The following RPS6KA5 variants were observed in gnomAD, a reference collection of about 807,000 sequenced individuals.
The protein encoded by RPS6KA5 is ribosomal protein S6 kinase A5, also known as ribosomal protein S6 kinase alpha-5.
In RPS6KA5, 27 loss-of-function variants were observed where a neutral mutation model predicts 85.5. The observed-to-expected ratio is 0.32, with a 90% CI of 0.23 to 0.44. The LOEUF (loss-of-function observed/expected upper bound fraction) is 0.44, where lower values mean the gene tolerates loss of function less well. RPS6KA5 is among the 20% of genes least tolerant of loss of function. The pLI is 1.00. For synonymous variants in RPS6KA5, 334 were observed against 348.2 expected, an observed-to-expected ratio of 0.96 and a Z score of 0.46; for missense variants, 811 against 980.9, an observed-to-expected ratio of 0.83 and a Z score of 2.31.
Position 91,060,532 on chromosome 14 carries a change from C to A in RPS6KA5, c.-98G>T. ...CAGCCGCTGCCGCGGCCCCAGGAGT[C>A]GGGGTGCGGCGGCTCCAGAACTCGG... On this transcript the variant is annotated 5_prime_UTR_variant, in exon 1 of 17. Coordinates refer to ENST00000614987, the MANE Select transcript of RPS6KA5 (RefSeq NM_004755.4). 1 of 1,221,792 alleles carries A rather than the reference C, an allele frequency of 8.2e-7. No homozygotes were observed. Among genetic ancestry groups the A allele is most frequent in the South Asian group, 3.6e-5 (1 of 28,150 alleles). 75.7% of individuals were successfully genotyped at this position (1,221,792 alleles called of 1,614,324 possible). A position where few individuals can be genotyped will look rare whatever the true frequency, so the allele number is the denominator to read the frequency against.
In RPS6KA5 at chr14:90,866,482, C is replaced by T. The variant is rs2032809276; in HGVS notation, c.*5592G>A. 1 of 152,124 alleles carries T rather than the reference C, an allele frequency of 6.6e-6. No individual in the cohort carries two copies. Among genetic ancestry groups the T allele is most frequent in the African/African-American group, 2.4e-5 (1 of 41,412 alleles). 9.4% of individuals were successfully genotyped at this position (152,124 alleles called of 1,614,324 possible). A position where few individuals can be genotyped will look rare whatever the true frequency, so the allele number is the denominator to read the frequency against. On this transcript the variant is annotated 3_prime_UTR_variant, in exon 17 of 17. Transcript: ENST00000614987. ...GACCCTGTCTCACACAAAGGCAACT[C>T]ATTTGAGCTGAGGCTTGGCTATACT...
intron 14 of RPS6KA5, among the ~76,000 whole-genome samples, chr14:90,885,755 AAAAAAAAAAAAAAAAAAAG>A (rs2034172166): frequency 7.7e-6 from 1 of 130,694 alleles, no homozygotes; most frequent in Non-Finnish European, 1.7e-5. Context: ...AAAAAAAAAA[AAAAAAAAAAAAAAAAAAAG>A]AAAAAAGAAA....
At chr14:91,038,313 C>T (rs1327902526) in intron 1 of RPS6KA5, among the ~76,000 whole-genome samples, 1 of 152,134 alleles carries the variant, frequency 6.6e-6, no homozygotes, top group African/African-American at 2.4e-5. Context: ...CAATAAGAGA[C>T]TTATATAGGA....
In RPS6KA5 at chr14:90,847,922, A is replaced by T. The variant is rs2031798400; in HGVS notation, c.*24152T>A. 1 of 152,230 alleles carries T rather than the reference A, an allele frequency of 6.6e-6. No individual in the cohort carries two copies. The highest frequency in any genetic ancestry group is 1.5e-5 in the Non-Finnish European group (1 of 68,042). 9.4% of individuals were successfully genotyped at this position (152,230 alleles called of 1,614,324 possible). On this transcript the variant is annotated 3_prime_UTR_variant, in exon 17 of 17. Transcript: ENST00000614987. ...CTTGAACAAATACATCTTTACACAC[A>T]CACAAGTTGGTAAAAAGTAAGCCCT...
chr14:91,036,086 C>T (rs2042399485), intron 1 of RPS6KA5, among the ~76,000 whole-genome samples: 1 of 119,482 alleles, frequency 8.4e-6, no homozygotes, highest in Non-Finnish European at 1.9e-5. Context: ...CAGACATTTT[C>T]AAAATAGACT....
Position 90,902,779 on chromosome 14 carries a change from ATG to A in RPS6KA5, c.1119+27_1119+28del. 1.9e-6 allele frequency: 3 copies of A among 1,595,436 alleles called. No homozygotes were observed. The South Asian group carries it at 3.4e-5, about 18-fold the overall frequency. ...TTTTCTTTCAAAGGACATATGGCCA[ATG>A]TGCATGTGCACAGGATGGGAAATTA... is the stretch of plus-strand genomic sequence containing the variant. On this transcript the variant is annotated intron_variant, in intron 9 of 16. Transcript: ENST00000614987.
intron 8 of RPS6KA5, among the ~76,000 whole-genome samples, chr14:90,903,836 AGAATAT>A (rs1480042501): frequency 1.3e-5 from 2 of 152,242 alleles, no homozygotes; most frequent in Non-Finnish European, 2.9e-5. Context: ...ATTAATCATA[AGAATAT>A]AAGATGATGG....
Position 91,060,513 on chromosome 14 carries a change from CTGCCGCGGCCCCAGGAGTCGGGG to C in RPS6KA5, c.-102_-80del. On this transcript the variant is annotated 5_prime_UTR_variant, in exon 1 of 17. Coordinates refer to ENST00000614987, the MANE Select transcript of RPS6KA5 (RefSeq NM_004755.4). Reference sequence around the variant, plus strand: ...GCGGACGCCCGTCCCCTCGCAGCCGCTGCCGCGGCCCCAGGAGTCGGGGTGCGGCGGCTCCAGAACTCGGACGC... The same window carrying C: ...GCGGACGCCCGTCCCCTCGCAGCCGCTGCGGCGGCTCCAGAACTCGGACGC... The C allele has an allele frequency of 8.0e-7, 1 of 1,246,898 alleles. No individual in the cohort carries two copies. Among genetic ancestry groups the C allele is most frequent in the East Asian group, 3.2e-5 (1 of 31,210 alleles). 77.2% of individuals were successfully genotyped at this position (1,246,898 alleles called of 1,614,324 possible).
chr14:90,916,833 CTCTT>C (rs2036142841), intron 7 of RPS6KA5, among the ~76,000 whole-genome samples: 1 of 152,186 alleles, frequency 6.6e-6, no homozygotes, highest in South Asian at 2.1e-4. Flanking sequence ...GATTCAGGCT[CTCTT>C]TCTCTTTCTA....
At chr14:90,984,126 G>A (rs970659634) in intron 2 of RPS6KA5, among the ~76,000 whole-genome samples, 4 of 152,138 alleles carry the variant, frequency 2.6e-5, no homozygotes, top group East Asian at 1.9e-4. Context: ...GATTACAGGC[G>A]TGAGCCACCA....
At chr14:90,974,236 G>A (rs2039462100) in intron 3 of RPS6KA5, among the ~76,000 whole-genome samples, 1 of 152,078 alleles carries the variant, frequency 6.6e-6, no homozygotes, top group African/African-American at 2.4e-5. Context: ...CATTTATGGT[G>A]TATTCCAGCT....
intron 1 of RPS6KA5, among the ~76,000 whole-genome samples, chr14:91,045,367 C>A (rs1004657087): frequency 6.6e-5 from 10 of 151,370 alleles, no homozygotes; most frequent in African/African-American, 2.4e-4. Context: ...CAGGTTCAAG[C>A]AATTCTCCCA....
intron 2 of RPS6KA5, among the ~76,000 whole-genome samples, chr14:90,981,159 G>A (rs1269622897): frequency 1.3e-5 from 2 of 152,222 alleles, no homozygotes; most frequent in Non-Finnish European, 2.9e-5. Context: ...CAACAAGAGT[G>A]AAACTTAGTC....
chr14:91,048,523 G>A (rs1233369889), intron 1 of RPS6KA5, among the ~76,000 whole-genome samples: 1 of 152,144 alleles, frequency 6.6e-6, no homozygotes, highest in Non-Finnish European at 1.5e-5. Flanking sequence ...AAAGAAAAAA[G>A]TGAGACAGCC....
chr14:90,899,438 C>T lies in RPS6KA5; in HGVS notation c.1380-16G>A. The T allele has an allele frequency of 1.3e-6, 2 of 1,573,582 alleles. No homozygotes were observed. The highest frequency in any genetic ancestry group is 1.1e-5 in the South Asian group (1 of 89,452). On this transcript the variant is annotated splice_polypyrimidine_tract_variant and intron_variant, in intron 11 of 16. Transcript: ENST00000614987. The stretch of plus-strand genomic sequence containing the variant: ...GGCTTCCATCCTGCAAGATGAGACA[C>T]TTAGCATCCACATGTCTCTTCAAGA...
chr14:90,914,109 A>G (rs939620522), intron 7 of RPS6KA5, among the ~76,000 whole-genome samples: 1 of 151,898 alleles, frequency 6.6e-6, no homozygotes, highest in Admixed American at 6.5e-5. Flanking sequence ...GACCTTTTAG[A>G]CTCTGGGTTG....
chr14:90,973,739 G>C (rs1457672512), intron 3 of RPS6KA5, among the ~76,000 whole-genome samples: 1 of 151,948 alleles, frequency 6.6e-6, no homozygotes, highest in East Asian at 1.9e-4. Flanking sequence ...GTTATATTAT[G>C]TTAAAACCAG....
At chr14:90,970,164 C>T (rs2039253317) in intron 3 of RPS6KA5, among the ~76,000 whole-genome samples, 1 of 152,222 alleles carries the variant, frequency 6.6e-6, no homozygotes, top group African/African-American at 2.4e-5. Flanking sequence ...ATAGTACACT[C>T]TATAAATGCA....
intron 1 of RPS6KA5, among the ~76,000 whole-genome samples, chr14:91,031,037 T>C (rs77280109): frequency 6.6e-6 from 1 of 152,156 alleles, no homozygotes. Flanking sequence ...GCATACTCAG[T>C]GCTTAGCAAA....
Sources: allele counts gnomAD v4.1 joint callset (sites outside exome capture counted in the v4.1 genomes callset), GRCh38; gene constraint gnomAD v4.1.1; transcripts MANE v1.5; gene names NCBI Gene and HGNC (gene_info 2026-07-23, HGNC 2026-07-21).